Variants in GRIK1 observed in about 807,000 individuals in gnomAD.
GRIK1 encodes the protein glutamate receptor ionotropic, kainate 1.
GRIK1 carries 69 observed loss-of-function variants against 105.7 expected under a neutral mutation model. The ratio of observed to expected loss-of-function variants is 0.65; its 90% CI spans 0.54 to 0.80. The LOEUF (loss-of-function observed/expected upper bound fraction) is 0.80. Among genes scored for constraint, GRIK1 ranks in the 30% least tolerant of loss-of-function variants. The pLI is 0.00. For missense variants in GRIK1, 1,109 were observed against 1,167.3 expected, an observed-to-expected ratio of 0.95 and a Z score of 0.73; for synonymous variants, 438 against 431.3, an observed-to-expected ratio of 1.02 and a Z score of -0.19.
Position 29,670,177 on chromosome 21 carries a change from G to C in GRIK1, c.726+2806C>G, listed in dbSNP as rs376514902. Among the ~76,000 whole-genome samples the C allele has an allele frequency of 3.4e-4, 52 of 152,236 alleles. No individual in the cohort carries two copies. In the East Asian group the frequency reaches 7.0e-3, roughly 20 times the overall value. ...AAAATATTTGCAGATTATTAGTCTA[G>C]AACGAAAACTGGATAAGCCATCTCT... On this transcript the variant is annotated intron_variant, in intron 4 of 17. Transcript: ENST00000327783.
rs187309097 is a variant in GRIK1 at position 29,677,981 on chromosome 21, G to A, written c.545-4817C>T. Among the ~76,000 whole-genome samples the A allele has an allele frequency of 2.3e-3, 353 of 152,266 alleles. 3 individuals are homozygous for A. The highest frequency in any genetic ancestry group is 8.0e-3 in the African/African-American group (333 of 41,552). On this transcript the variant is annotated intron_variant, in intron 3 of 17. Coordinates refer to ENST00000327783, the MANE Select transcript of GRIK1 (RefSeq NM_001330994.2). ...CTGGATAGCTTTAGCTATCTTTAATGAGTCTCGGTTCAAAAGAAAAGTACC... is the reference window on the plus strand; with the variant it reads ...CTGGATAGCTTTAGCTATCTTTAATAAGTCTCGGTTCAAAAGAAAAGTACC...
chr21:29,638,814 T>G (rs2146512587), intron 7 of GRIK1, among the ~76,000 whole-genome samples: 1 of 152,350 alleles, frequency 6.6e-6, no homozygotes, highest in East Asian at 1.9e-4. Context: ...TTTCATTTGA[T>G]GGTAGCTATC....
At chr21:29,633,576 GC>G (rs1360589346) in intron 7 of GRIK1, among the ~76,000 whole-genome samples, 4 of 152,028 alleles carry the variant, frequency 2.6e-5, no homozygotes, top group African/African-American at 9.7e-5. Context: ...CAGGTGCTGT[GC>G]TATTATAATG....
intron 1 of GRIK1, among the ~76,000 whole-genome samples, chr21:29,891,249 T>C (rs1019741380): frequency 5.9e-5 from 9 of 152,120 alleles, no homozygotes; most frequent in African/African-American, 1.2e-4. Context: ...TCATAAAAAG[T>C]GAAATATCTC....
chr21:29,689,482 G>T (rs890190439), intron 3 of GRIK1, among the ~76,000 whole-genome samples: 2 of 152,072 alleles, frequency 1.3e-5, no homozygotes, highest in African/African-American at 4.8e-5. Context: ...CTGATAAGAT[G>T]ATATTTCTTT....
chr21:29,726,141 T>C (rs1463531713), intron 1 of GRIK1, among the ~76,000 whole-genome samples: 2 of 152,156 alleles, frequency 1.3e-5, no homozygotes, highest in Admixed American at 6.5e-5. Flanking sequence ...ATCAAACCAA[T>C]GCAATTAGGA....
intron 1 of GRIK1, among the ~76,000 whole-genome samples, chr21:29,771,314 G>C (rs2065806772): frequency 6.6e-6 from 1 of 152,296 alleles, no homozygotes; most frequent in East Asian, 1.9e-4. Flanking sequence ...GTAGAGCAGG[G>C]ATTCACTACT....
At chr21:29,878,957 G>T (rs1463727603) in intron 1 of GRIK1, among the ~76,000 whole-genome samples, 2 of 152,112 alleles carry the variant, frequency 1.3e-5, no homozygotes, top group African/African-American at 2.4e-5. Flanking sequence ...GAATCTATGA[G>T]AAATACATTT....
chr21:29,834,384 A>G (rs960809207), intron 1 of GRIK1, among the ~76,000 whole-genome samples: 8 of 150,352 alleles, frequency 5.3e-5, no homozygotes, highest in Non-Finnish European at 1.2e-4. Flanking sequence ...GGTTATCGAG[A>G]TAATAGAAGA....
intron 5 of GRIK1, among the ~76,000 whole-genome samples, chr21:29,652,392 G>C (rs1956323908): frequency 2.0e-5 from 3 of 152,072 alleles, no homozygotes; most frequent in Non-Finnish European, 4.4e-5. Flanking sequence ...ATACAACGAG[G>C]GCATGAAGAA....
intron 1 of GRIK1, among the ~76,000 whole-genome samples, chr21:29,792,647 A>C (rs1380294997): frequency 6.6e-6 from 1 of 152,232 alleles, no homozygotes; most frequent in Non-Finnish European, 1.5e-5. Flanking sequence ...GGTTAATTAA[A>C]TATGCCTGCT....
At chr21:29,572,005 T>C (rs953845545) in intron 14 of GRIK1, among the ~76,000 whole-genome samples, 5 of 152,014 alleles carry the variant, frequency 3.3e-5, no homozygotes, top group Non-Finnish European at 5.9e-5. Flanking sequence ...TCAAGAGAGG[T>C]TATTGTCTTT....
At chr21:29,884,398 A>G (rs1239230724) in intron 1 of GRIK1, among the ~76,000 whole-genome samples, 1 of 152,028 alleles carries the variant, frequency 6.6e-6, no homozygotes, top group African/African-American at 2.4e-5. Flanking sequence ...TATGGTCAAG[A>G]GGAAGAACAG....
chr21:29,579,770 C>G (rs143787691), intron 13 of GRIK1, among the ~76,000 whole-genome samples: 194 of 151,926 alleles, frequency 1.3e-3, no homozygotes, highest in African/African-American at 4.6e-3. Flanking sequence ...GTCATGTACC[C>G]AAGGTAGTGG....
At chr21:29,886,856 G>A (rs949083688) in intron 1 of GRIK1, among the ~76,000 whole-genome samples, 2 of 152,068 alleles carry the variant, frequency 1.3e-5, no homozygotes, top group Admixed American at 6.6e-5. Flanking sequence ...TGAGAGAAAT[G>A]GCAACTAAGC....
chr21:29,710,337 T>C (rs1470312218), intron 1 of GRIK1, among the ~76,000 whole-genome samples: 1 of 151,996 alleles, frequency 6.6e-6, no homozygotes, highest in African/African-American at 2.4e-5. Context: ...GTTTTCTTAT[T>C]TTGTGTATTG....
chr21:29,769,287 T>A (rs192416220), intron 1 of GRIK1, among the ~76,000 whole-genome samples: 2 of 152,252 alleles, frequency 1.3e-5, no homozygotes, highest in Admixed American at 6.5e-5. Context: ...CAGGAGTCTT[T>A]ATAAAAAGGG....
At chr21:29,726,262 G>T (rs2064456531) in intron 1 of GRIK1, among the ~76,000 whole-genome samples, 1 of 152,100 alleles carries the variant, frequency 6.6e-6, no homozygotes, top group South Asian at 2.1e-4. Flanking sequence ...CTCTTTGTCA[G>T]CATTCTTGAT....
chr21:29,898,125 G>C (rs1569200583), intron 1 of GRIK1, among the ~76,000 whole-genome samples: 2 of 152,186 alleles, frequency 1.3e-5, no homozygotes, highest in African/African-American at 4.8e-5. Context: ...AATATCACAA[G>C]AATCCTGGTA....
Sources: allele counts gnomAD v4.1 joint callset (sites outside exome capture counted in the v4.1 genomes callset), GRCh38; gene constraint gnomAD v4.1.1; transcripts MANE v1.5; gene names NCBI Gene and HGNC (gene_info 2026-07-23, HGNC 2026-07-21).